FLNB: variants seen among roughly 807,000 people sequenced by gnomAD.
FLNB encodes the protein filamin B.
Under a neutral mutation model 250.6 loss-of-function variants are expected in FLNB, and 111 were observed. The ratio of observed to expected loss-of-function variants is 0.44; its 90% CI spans 0.38 to 0.52. FLNB has a LOEUF of 0.52. FLNB is among the 20% of genes least tolerant of loss of function. The probability of loss-of-function intolerance (pLI) is 0.00; values close to 1 mark genes in which losing one functional copy is unlikely to be tolerated. For missense variants in FLNB, 2,869 were observed against 3,447.8 expected, an observed-to-expected ratio of 0.83 and a Z score of 4.20; for synonymous variants, 1,302 against 1,372.1, an observed-to-expected ratio of 0.95 and a Z score of 1.13.
chr3:58,094,291 C>T (rs1055776505), intron 4 of FLNB, among the ~76,000 whole-genome samples: 6 of 152,196 alleles, frequency 3.9e-5, no homozygotes, highest in Admixed American at 2.6e-4. Flanking sequence ...TGGTCTTGAA[C>T]GCCTGACTTC....
intron 1 of FLNB, among the ~76,000 whole-genome samples, chr3:58,071,008 C>T (rs1277561608): frequency 2.0e-5 from 3 of 148,054 alleles, no homozygotes; most frequent in African/African-American, 7.5e-5. Context: ...AGTGCAGTGG[C>T]GTGATCATGG....
chr3:58,095,386 A>G (rs2097236712), intron 5 of FLNB, among the ~76,000 whole-genome samples: 1 of 152,086 alleles, frequency 6.6e-6, no homozygotes, highest in Non-Finnish European at 1.5e-5. Flanking sequence ...AACCCAAGTA[A>G]CTGGGATTAC....
chr3:58,168,926 T>C (rs2097375886), intron 44 of FLNB: 1 of 457,064 alleles, frequency 2.2e-6, no homozygotes, highest in East Asian at 4.3e-5. Context: ...AAATCTTACG[T>C]ATTTGTTTAG....
At chr3:58,020,565 TTCTC>T (rs897480471) in intron 1 of FLNB, among the ~76,000 whole-genome samples, 1 of 152,154 alleles carries the variant, frequency 6.6e-6, no homozygotes, top group Non-Finnish European at 1.5e-5. Flanking sequence ...AGCACTCCTG[TTCTC>T]TCTCTCTGAA....
chr3:58,035,219 C>T (rs1451806538), intron 1 of FLNB, among the ~76,000 whole-genome samples: 1 of 152,196 alleles, frequency 6.6e-6, no homozygotes, highest in Non-Finnish European at 1.5e-5. Flanking sequence ...TACCTCTTCA[C>T]CTCACAGGCA....
At position 58,109,674 on chromosome 3, in the gene FLNB, G is replaced by A. The variant is rs373367628; in HGVS notation, c.2298G>A (p.Thr766=). Residue 766 remains threonine (T), a synonymous_variant, in exon 15 of 46, where the codon ACG becomes ACA. Transcript: ENST00000295956. ...AGGCAAATGAACCTACACACTTCAC[G>A]GTGGACTGTACTGAGGCTGGGGAAG... ...GLKANEPTHF[T]VDCTEAGEGD... 1.4e-5 allele frequency: 22 copies of A among 1,614,114 alleles called. No individual in the cohort carries two copies. Among genetic ancestry groups the A allele is most frequent in the Admixed American group, 8.3e-5 (5 of 60,024 alleles).
intron 1 of FLNB, among the ~76,000 whole-genome samples, chr3:58,074,992 CTGA>C (rs1462891583): frequency 2.6e-5 from 4 of 152,070 alleles, no homozygotes; most frequent in African/African-American, 9.7e-5. Context: ...TGATTTCTCT[CTGA>C]TGGTTTGGGT....
chr3:58,094,516 G>T (rs1344808362), intron 4 of FLNB, among the ~76,000 whole-genome samples: 2 of 152,168 alleles, frequency 1.3e-5, no homozygotes, highest in Non-Finnish European at 1.5e-5. Context: ...TGAGAAATAA[G>T]CTTCGCTCCT....
At chr3:58,095,630 T>A (rs12491415) in intron 5 of FLNB, among the ~76,000 whole-genome samples, 64,561 of 151,882 alleles carry the variant, frequency 0.43, 15,227 homozygotes, top group East Asian at 0.92. Context: ...TTGGCCATTC[T>A]TTGGTTCCTC....
In FLNB at chr3:58,109,338, G is replaced by A; in HGVS notation, c.2199+16G>A. 1 of 1,610,610 alleles carries A rather than the reference G, an allele frequency of 6.2e-7. No homozygotes were observed. Among genetic ancestry groups the A allele is most frequent in the Non-Finnish European group, 8.5e-7 (1 of 1,178,290 alleles). ...CCCCTACAGGGTAGGTTGTGAGGCA[G>A]AATCCTGGCTGTTTTATGGAAATGC... On this transcript the variant is annotated intron_variant, in intron 14 of 45. Transcript: ENST00000295956.
intron 1 of FLNB, among the ~76,000 whole-genome samples, chr3:58,052,187 C>G (rs1301937738): frequency 6.6e-6 from 1 of 152,142 alleles, no homozygotes; most frequent in African/African-American, 2.4e-5. Flanking sequence ...TGTGCCCAGC[C>G]TCGACTCGCT....
At chr3:58,031,368 G>A (rs1489955232) in intron 1 of FLNB, among the ~76,000 whole-genome samples, 2 of 151,614 alleles carry the variant, frequency 1.3e-5, no homozygotes, top group Non-Finnish European at 2.9e-5. Context: ...TCAGCCTCCC[G>A]AGTAGCTGGG....
At chr3:58,026,924 C>T (rs79803233) in intron 1 of FLNB, among the ~76,000 whole-genome samples, 2,512 of 152,252 alleles carry the variant, frequency 0.016, 78 homozygotes, top group African/African-American at 0.058. Flanking sequence ...AGAAATTCGT[C>T]AGCCTGGGTA....
chr3:58,076,975 A>C lies in FLNB; in HGVS notation c.293-71A>C, dbSNP rs2097202614. ...TCTAATAGTTGAAGACTCCATTTAC[A>C]TTTATATAAGGAGCATAATTTACAC... On this transcript the variant is annotated intron_variant, in intron 1 of 45. Transcript: ENST00000295956. 5 of 1,549,964 alleles carry C rather than the reference A, an allele frequency of 3.2e-6. No homozygotes were observed. The Admixed American group carries it at 8.3e-5, about 26-fold the overall frequency.
chr3:58,160,899 CT>C (rs1285322780), intron 42 of FLNB, among the ~76,000 whole-genome samples: 1 of 152,060 alleles, frequency 6.6e-6, no homozygotes, highest in Non-Finnish European at 1.5e-5. Flanking sequence ...GGGAGGATTG[CT>C]TATGTCCAGG....
Position 58,169,340 on chromosome 3 carries a change from A to G in FLNB, c.7418-250A>G, listed in dbSNP as rs887600109. ...GTGGGTAGGGGGTGGGGGGATTGGGAGGGTCCTTGGCCTTGTCAGCCAAGG... is the reference window on the plus strand; with the variant it reads ...GTGGGTAGGGGGTGGGGGGATTGGGGGGGTCCTTGGCCTTGTCAGCCAAGG... On this transcript the variant is annotated intron_variant, in intron 44 of 45. Transcript: ENST00000295956. This position sits in a 1 kb window ranked among gnomAD's most constrained non-coding sequence, Gnocchi z 4.8. The G allele has an allele frequency of 3.2e-5, 17 of 530,688 alleles. No homozygotes were observed. The East Asian group carries it at 5.6e-4, about 18-fold the overall frequency. 32.9% of individuals were successfully genotyped at this position (530,688 alleles called of 1,614,324 possible). A position where few individuals can be genotyped will look rare whatever the true frequency, so the allele number is the denominator to read the frequency against.
At chr3:58,071,572 C>G (rs989740551) in intron 1 of FLNB, among the ~76,000 whole-genome samples, 4 of 152,188 alleles carry the variant, frequency 2.6e-5, no homozygotes, top group Non-Finnish European at 4.4e-5. Context: ...AGCCACCATG[C>G]CTGGCCTCTC....
intron 24 of FLNB, among the ~76,000 whole-genome samples, chr3:58,130,506 G>A (rs1008686720): frequency 2.6e-5 from 4 of 152,110 alleles, no homozygotes. Flanking sequence ...GTTCCTGGGG[G>A]GTGTTAACCG....
At chr3:58,017,221 T>G (rs2097106926) in intron 1 of FLNB, among the ~76,000 whole-genome samples, 1 of 152,190 alleles carries the variant, frequency 6.6e-6, no homozygotes. Context: ...TCAGGCCCAC[T>G]TAGTATCACA....
Sources: allele counts gnomAD v4.1 joint callset (sites outside exome capture counted in the v4.1 genomes callset), GRCh38; gene constraint gnomAD v4.1.1; non-coding constraint Gnocchi (gnomAD v3.1); transcripts MANE v1.5; gene names NCBI Gene and HGNC (gene_info 2026-07-23, HGNC 2026-07-21).